Variants in NFIA observed in about 807,000 individuals in gnomAD.
The protein encoded by NFIA is nuclear factor I A.
In NFIA, 8 loss-of-function variants were observed where a neutral mutation model predicts 62.8. The observed-to-expected ratio is 0.13, with a 90% confidence interval of 0.07 to 0.23. The LOEUF (loss-of-function observed/expected upper bound fraction) is 0.23. NFIA is among the 10% of genes least tolerant of loss of function. The probability of loss-of-function intolerance (pLI) is 1.00; values close to 1 mark genes in which losing one functional copy is unlikely to be tolerated. For synonymous variants in NFIA, 235 were observed against 238.1 expected (o/e 0.99, Z 0.12); for missense variants, 410 against 642.1 (o/e 0.64, Z 3.91).
intron 2 of NFIA, among the ~76,000 whole-genome samples, chr1:61,172,486 T>C (rs1288666755): frequency 6.6e-6 from 1 of 152,246 alleles, no homozygotes; most frequent in Non-Finnish European, 1.5e-5. Context: ...CCTTGAAATA[T>C]TTAACAAGAA....
intron 3 of NFIA, among the ~76,000 whole-genome samples, chr1:61,282,893 T>C (rs953103614): frequency 4.0e-5 from 6 of 151,196 alleles, no homozygotes; most frequent in Admixed American, 2.0e-4. Context: ...TTCCTTTAGG[T>C]TTAATCATGT....
In NFIA at chr1:61,462,023, G is replaced by GGTTTTTTTTTTTTTTTTTTGT. The variant is rs1668551529; in HGVS notation, c.*6723_*6724insTGTTTTTTTTTTTTTTTTTTG. The GGTTTTTTTTTTTTTTTTTTGT allele has an allele frequency of 9.1e-6, 1 of 110,036 alleles. No individual in the cohort carries two copies. Among genetic ancestry groups the GGTTTTTTTTTTTTTTTTTTGT allele is most frequent in the Non-Finnish European group, 1.7e-5 (1 of 57,480 alleles). 6.8% of individuals were successfully genotyped at this position (110,036 alleles called of 1,614,324 possible). ...AATAGTCTGTAAGTTAGCCTTTTTG[G>GGTTTTTTTTTTTTTTTTTTGT]GTTTTTTTTTTTTTTTTTTGGCTTT... On this transcript the variant is annotated 3_prime_UTR_variant, in exon 11 of 11. Coordinates refer to ENST00000403491, the MANE Select transcript of NFIA (RefSeq NM_001134673.4).
At chr1:61,423,091 T>G (rs1468149945) in intron 9 of NFIA, among the ~76,000 whole-genome samples, 1 of 152,154 alleles carries the variant, frequency 6.6e-6, no homozygotes, top group Non-Finnish European at 1.5e-5. Flanking sequence ...ACTAAGACTC[T>G]TGGATAATGT....
intron 2 of NFIA, among the ~76,000 whole-genome samples, chr1:61,189,508 A>G (rs763682898): frequency 5.9e-5 from 9 of 152,074 alleles, no homozygotes; most frequent in Non-Finnish European, 1.3e-4. Flanking sequence ...CTACTAAAAT[A>G]CAAAAAATTA....
chr1:61,398,616 A>G (rs1665403176), intron 7 of NFIA, among the ~76,000 whole-genome samples: 1 of 152,212 alleles, frequency 6.6e-6, no homozygotes. Flanking sequence ...CATCTTCGTG[A>G]TGTTAAAAGA....
At chr1:61,181,339 A>G (rs1414241883) in intron 2 of NFIA, among the ~76,000 whole-genome samples, 1 of 152,256 alleles carries the variant, frequency 6.6e-6, no homozygotes, top group African/African-American at 2.4e-5. Context: ...TAGAGCTTAC[A>G]GACAGTAATG....
chr1:61,358,330 G>A (rs200740910), intron 5 of NFIA, among the ~76,000 whole-genome samples: 3 of 141,742 alleles, frequency 2.1e-5, no homozygotes, highest in Non-Finnish European at 3.0e-5. Context: ...TGTGGCAAAA[G>A]AAAAAAAAAG....
In NFIA at chr1:61,155,444, C is replaced by T. The variant is rs566970482; in HGVS notation, c.559+66764C>T. On this transcript the variant is annotated intron_variant, in intron 2 of 10. Coordinates refer to ENST00000403491, the MANE Select transcript of NFIA (RefSeq NM_001134673.4). Reference sequence around the variant, plus strand: ...ATCCCAGCACTTTGGGAGGCCGAGGCGGGTGGATCATGAGGTCAGGAGATC... The same window carrying T: ...ATCCCAGCACTTTGGGAGGCCGAGGTGGGTGGATCATGAGGTCAGGAGATC... Among the ~76,000 whole-genome samples, 119 of 149,052 alleles carry T rather than the reference C, an allele frequency of 8.0e-4. No homozygotes were observed. The Middle Eastern group carries it at 0.014, about 18-fold the overall frequency.
chr1:61,286,018 G>C (rs1447688300), intron 3 of NFIA, among the ~76,000 whole-genome samples: 2 of 152,164 alleles, frequency 1.3e-5, no homozygotes, highest in Non-Finnish European at 2.9e-5. Context: ...TAGCAAAAGA[G>C]ACTTGCCATT....
chr1:61,272,322 C>G (rs1657559447), intron 2 of NFIA, among the ~76,000 whole-genome samples: 1 of 152,016 alleles, frequency 6.6e-6, no homozygotes, highest in African/African-American at 2.4e-5. Context: ...TCTTTAAGGT[C>G]ACGGTCATAC....
intron 2 of NFIA, among the ~76,000 whole-genome samples, chr1:61,127,115 G>A (rs12095913): frequency 1.1e-3 from 167 of 150,194 alleles, no homozygotes; most frequent in African/African-American, 3.8e-3. Flanking sequence ...AGCCAAGCTC[G>A]TGCCACTGCA....
intron 2 of NFIA, among the ~76,000 whole-genome samples, chr1:61,091,002 T>G (rs1250646556): frequency 6.6e-6 from 1 of 152,258 alleles, no homozygotes; most frequent in Non-Finnish European, 1.5e-5. Flanking sequence ...ACTGAAGATT[T>G]GTAAACACTA....
intron 2 of NFIA, among the ~76,000 whole-genome samples, chr1:61,200,012 A>ATG (rs1219756585): frequency 7.2e-4 from 6 of 8,316 alleles, no homozygotes; most frequent in African/African-American, 2.4e-3. Flanking sequence ...ATATATATGT[A>ATG]TATATATATA....
chr1:61,456,409 C>T lies in NFIA; in HGVS notation c.*1089C>T, dbSNP rs575749695. On this transcript the variant is annotated 3_prime_UTR_variant, in exon 11 of 11. Transcript: ENST00000403491. ...AAACAAAAAAACAAATCTAATGGTG[C>T]TTTTACCACAATATGTTAACTACAT... 1 of 151,166 alleles carries T rather than the reference C, an allele frequency of 6.6e-6. No individual in the cohort carries two copies. The highest frequency in any genetic ancestry group is 1.9e-4 in the East Asian group (1 of 5,144). The allele number at this position is 151,166 out of a possible 1,614,324, so 9.4% of individuals were successfully genotyped here.
At chr1:61,435,789 G>A (rs147976414) in intron 10 of NFIA, among the ~76,000 whole-genome samples, 2 of 152,292 alleles carry the variant, frequency 1.3e-5, no homozygotes, top group South Asian at 2.1e-4. Context: ...GGAAGAAGGC[G>A]CAATAGGTAG....
chr1:61,203,437 G>A (rs6671062), intron 2 of NFIA, among the ~76,000 whole-genome samples: 23,274 of 152,090 alleles, frequency 0.15, 2,326 homozygotes, highest in Middle Eastern at 0.26. Flanking sequence ...TATCTTTTGA[G>A]CCCGCTGTGC....
intron 2 of NFIA, among the ~76,000 whole-genome samples, chr1:61,096,130 TA>T (rs1316944503): frequency 2.0e-5 from 3 of 152,158 alleles, no homozygotes; most frequent in African/African-American, 4.8e-5. Context: ...AGTTTAAAAT[TA>T]AAAAATTAAA....
intron 2 of NFIA, among the ~76,000 whole-genome samples, chr1:61,233,161 CT>C (rs1175841383): frequency 6.6e-6 from 1 of 152,100 alleles, no homozygotes; most frequent in Non-Finnish European, 1.5e-5. Context: ...ATATTCTTGT[CT>C]AAGCTATGCA....
intron 4 of NFIA, among the ~76,000 whole-genome samples, chr1:61,333,328 C>G (rs933549579): frequency 6.6e-6 from 1 of 152,112 alleles, no homozygotes; most frequent in Non-Finnish European, 1.5e-5. Context: ...TAAAAAGAAA[C>G]ATTTTCATTT....
Sources: gnomAD v4.1 joint callset for allele counts (sites outside exome capture counted in the v4.1 genomes callset) on GRCh38, gnomAD v4.1.1 for gene constraint, MANE v1.5 for transcripts, NCBI Gene and HGNC (gene_info 2026-07-23, HGNC 2026-07-21) for gene names.